The following MFSD8 variants were observed in gnomAD, a reference collection of about 807,000 sequenced individuals.
MFSD8 encodes the protein major facilitator superfamily domain-containing protein 8.
Under a neutral mutation model 66.4 loss-of-function variants are expected in MFSD8, and 55 were observed. The ratio of observed to expected loss-of-function variants is 0.83; its 90% confidence interval spans 0.67 to 1.04. The LOEUF (loss-of-function observed/expected upper bound fraction) is 1.04. MFSD8 is among the 50% of genes least tolerant of loss of function. The pLI is 0.00. For synonymous variants in MFSD8, 202 were observed against 212.8 expected, an observed-to-expected ratio of 0.95 and a Z score of 0.44; for missense variants, 550 against 627.6, an observed-to-expected ratio of 0.88 and a Z score of 1.32.
chr4:127,928,472 G>C (rs1737585012), intron 9 of MFSD8, among the ~76,000 whole-genome samples: 1 of 152,018 alleles, frequency 6.6e-6, no homozygotes, highest in African/African-American at 2.4e-5. Flanking sequence ...ACATATAAAA[G>C]GCCACTAAGT....
chr4:127,930,925 G>A (rs1738016514), intron 8 of MFSD8, 108 bp from the exon 9 acceptor site: 2 of 1,094,442 alleles, frequency 1.8e-6, no homozygotes, highest in Non-Finnish European at 2.6e-6. Context: ...GAATGTGCAT[G>A]CCTTTTAGCA....
At chr4:127,930,627 CT>C (rs1737961800) in intron 9 of MFSD8, 55 bp downstream of exon 9, 2 of 1,593,986 alleles carry the variant, frequency 1.3e-6, no homozygotes, top group Admixed American at 3.4e-5. Context: ...ATTGTTAGCT[CT>C]GTTTTTTGTT....
At position 127,954,099 on chromosome 4, in the gene MFSD8, C is replaced by T. The variant is rs148532050; in HGVS notation, c.154+3402G>A. 2.4e-3 allele frequency among the ~76,000 whole-genome samples: 373 copies of T among 152,270 alleles called. 2 individuals are homozygous for T. Among genetic ancestry groups the T allele is most frequent in the Admixed American group, 6.1e-3 (94 of 15,292 alleles). ...TAAAACAGTCCTTTAAAAACTATCA[C>T]AATATTGATCATTCCTATATATTCT... On this transcript the variant is annotated intron_variant, in intron 2 of 11. Coordinates refer to ENST00000641686, the MANE Select transcript of MFSD8 (RefSeq NM_001371596.2).
intron 1 of MFSD8, among the ~76,000 whole-genome samples, chr4:127,963,142 C>T (rs1284424718): frequency 1.3e-5 from 2 of 152,176 alleles, no homozygotes; most frequent in Admixed American, 1.3e-4. Context: ...GACGTTATTC[C>T]TTTAATGCCT....
intron 9 of MFSD8, among the ~76,000 whole-genome samples, chr4:127,922,488 G>C (rs1027199691): frequency 3.9e-5 from 6 of 151,992 alleles, no homozygotes; most frequent in African/African-American, 1.4e-4. Flanking sequence ...AGCCAGGAGT[G>C]GTATTTGGTG....
At chr4:127,951,007 C>G (rs556121128) in intron 2 of MFSD8, among the ~76,000 whole-genome samples, 1 of 151,156 alleles carries the variant, frequency 6.6e-6, no homozygotes, top group South Asian at 2.1e-4. Context: ...TTGTAGTGAG[C>G]CAAGATTGCA....
chr4:127,957,215 C>T (rs1224591771), intron 2 of MFSD8, among the ~76,000 whole-genome samples: 3 of 152,000 alleles, frequency 2.0e-5, no homozygotes, highest in Non-Finnish European at 4.4e-5. Flanking sequence ...AGTCAAATTC[C>T]AAGAAACAAA....
upstream of MFSD8, chr4:127,965,225 G>T (rs1156384344): frequency 2.0e-6 from 3 of 1,498,324 alleles, no homozygotes; most frequent in Non-Finnish European, 1.8e-6. Flanking sequence ...AAACAAGCCT[G>T]TAAGTGCGCG....
intron 7 of MFSD8, 50 bp from the exon 8 acceptor site, chr4:127,933,143 T>G (rs768424552): frequency 6.9e-7 from 1 of 1,442,476 alleles, no homozygotes; most frequent in South Asian, 1.2e-5. Flanking sequence ...CTAATTTTTC[T>G]TATGACATTA....
intron 9 of MFSD8, among the ~76,000 whole-genome samples, chr4:127,929,093 G>T (rs1235135914): frequency 2.0e-5 from 3 of 151,652 alleles, no homozygotes; most frequent in Admixed American, 6.6e-5. Flanking sequence ...AGGCTGAGGC[G>T]GGCAGATCAT....
intron 11 of MFSD8, chr4:127,921,226 T>G: frequency 1.7e-6 from 1 of 593,170 alleles, no homozygotes; most frequent in African/African-American, 1.9e-5. Context: ...AAGCTGAAAC[T>G]CAGAAAGTTT....
chr4:127,922,908 T>C (rs113923407), intron 9 of MFSD8, among the ~76,000 whole-genome samples: 3 of 152,314 alleles, frequency 2.0e-5, no homozygotes, highest in African/African-American at 7.2e-5. Context: ...AATCAGTGGC[T>C]ACTTACATGT....
At chr4:127,958,097 G>A (rs1390655570) in intron 1 of MFSD8, among the ~76,000 whole-genome samples, 7 of 152,090 alleles carry the variant, frequency 4.6e-5, no homozygotes, top group East Asian at 1.9e-4. Context: ...AAGGTTTAAC[G>A]TAACCTAAGA....
intron 9 of MFSD8, among the ~76,000 whole-genome samples, chr4:127,925,071 T>C (rs187480013): frequency 0.011 from 1,697 of 152,228 alleles, 26 homozygotes; most frequent in Non-Finnish European, 0.017. Context: ...CCCTTCTTTA[T>C]ACCTTATACA....
At chr4:127,953,035 T>C (rs972242886) in intron 2 of MFSD8, among the ~76,000 whole-genome samples, 3 of 152,096 alleles carry the variant, frequency 2.0e-5, no homozygotes, top group Admixed American at 1.3e-4. Context: ...ACAGTATCCA[T>C]TGGCCCCTTC....
At position 127,925,437 on chromosome 4, in the gene MFSD8, C is replaced by G. The variant is rs1011677931; in HGVS notation, c.999-3474G>C. ...TCAAAAAGTGGGCAAAGGATATGAA[C>G]AGATGCTTCTCAAAAGAAGACATTT... On this transcript the variant is annotated intron_variant, in intron 9 of 11. Transcript: ENST00000641686. 5.3e-5 allele frequency among the ~76,000 whole-genome samples: 8 copies of G among 151,964 alleles called. No individual in the cohort carries two copies. The East Asian group carries it at 9.6e-4, about 18-fold the overall frequency.
intron 9 of MFSD8, among the ~76,000 whole-genome samples, chr4:127,929,380 G>A (rs1331756074): frequency 4.5e-5 from 6 of 134,478 alleles, no homozygotes; most frequent in Non-Finnish European, 9.4e-5. Context: ...GTAGATTGGT[G>A]AGCCCAGGAA....
chr4:127,948,608 T>C (rs779315769), intron 3 of MFSD8, among the ~76,000 whole-genome samples: 1 of 152,236 alleles, frequency 6.6e-6, no homozygotes, highest in Non-Finnish European at 1.5e-5. Flanking sequence ...GAGGCAAGAA[T>C]TGAGGTTGCT....
At chr4:127,962,527 A>G (rs1339820283) in intron 1 of MFSD8, among the ~76,000 whole-genome samples, 2 of 151,938 alleles carry the variant, frequency 1.3e-5, no homozygotes. Flanking sequence ...CAAATGTCTC[A>G]ATAGGCTCTG....
Sources: allele counts gnomAD v4.1 joint callset (sites outside exome capture counted in the v4.1 genomes callset), GRCh38; gene constraint gnomAD v4.1.1; transcripts MANE v1.5; gene names NCBI Gene and HGNC (gene_info 2026-07-23, HGNC 2026-07-21).